Variants in LRRC4C observed in about 807,000 individuals in gnomAD.
LRRC4C encodes the protein leucine-rich repeat-containing protein 4C.
LRRC4C carries 5 observed loss-of-function variants against 33.6 expected under a neutral mutation model. The ratio of observed to expected loss-of-function variants is 0.15; its 90% confidence interval spans 0.08 to 0.31. LRRC4C has a LOEUF of 0.31. Among genes scored for constraint, LRRC4C ranks in the 10% least tolerant of loss-of-function variants. The pLI is 1.00. For synonymous variants in LRRC4C, 329 were observed against 302.0 expected (o/e 1.09, Z -0.93); for missense variants, 560 against 796.7 (o/e 0.70, Z 3.58).
At chr11:40,131,188 C>T (rs576394254) in intron 6 of LRRC4C, among the ~76,000 whole-genome samples, 4 of 152,250 alleles carry the variant, frequency 2.6e-5, no homozygotes, top group South Asian at 4.1e-4. Context: ...AATTGATAAA[C>T]TAATTTTATA....
chr11:41,004,458 C>T (rs1305714818), intron 1 of LRRC4C, among the ~76,000 whole-genome samples: 1 of 152,124 alleles, frequency 6.6e-6, no homozygotes, highest in Non-Finnish European at 1.5e-5. Context: ...GTTAAAATTT[C>T]TACAAAAATG....
intron 2 of LRRC4C, among the ~76,000 whole-genome samples, chr11:40,876,888 C>A (rs1156648126): frequency 8.2e-6 from 1 of 121,384 alleles, no homozygotes; most frequent in Admixed American, 1.0e-4. Context: ...GGCAACAGAG[C>A]GAGGCTCTTT....
At chr11:40,725,894 T>G (rs1947270621) in intron 2 of LRRC4C, among the ~76,000 whole-genome samples, 1 of 152,176 alleles carries the variant, frequency 6.6e-6, no homozygotes, top group South Asian at 2.1e-4. Flanking sequence ...CTGTTTGGCC[T>G]CCTGTTAATT....
At chr11:40,340,160 A>G (rs1043792542) in intron 3 of LRRC4C, among the ~76,000 whole-genome samples, 1 of 152,078 alleles carries the variant, frequency 6.6e-6, no homozygotes, top group Non-Finnish European at 1.5e-5. Context: ...GCACGTGGTT[A>G]TTTCTACTTC....
At chr11:40,374,386 A>C (rs1223211323) in intron 3 of LRRC4C, among the ~76,000 whole-genome samples, 1 of 152,206 alleles carries the variant, frequency 6.6e-6, no homozygotes, top group Non-Finnish European at 1.5e-5. Context: ...ACAGAGATGC[A>C]TGAAAAATAC....
chr11:40,973,263 T>G (rs1041303955), intron 1 of LRRC4C, among the ~76,000 whole-genome samples: 4 of 152,054 alleles, frequency 2.6e-5, no homozygotes, highest in Non-Finnish European at 5.9e-5. Flanking sequence ...GATTTGTGGT[T>G]GTCTACTAGA....
chr11:40,350,394 G>T (rs7940459), intron 3 of LRRC4C, among the ~76,000 whole-genome samples: 97,398 of 151,778 alleles, frequency 0.64, 31,881 homozygotes, highest in East Asian at 0.84. Flanking sequence ...ATGAGTTCAC[G>T]GCAGATGTAT....
At chr11:41,230,923 AC>A (rs397804360) in intron 1 of LRRC4C, among the ~76,000 whole-genome samples, 9 of 150,312 alleles carry the variant, frequency 6.0e-5, no homozygotes, top group East Asian at 2.0e-4. Flanking sequence ...AAAAAAAAAA[AC>A]CAAACAACCC....
At chr11:40,147,992 A>C (rs1030098727) in intron 5 of LRRC4C, among the ~76,000 whole-genome samples, 23 of 151,992 alleles carry the variant, frequency 1.5e-4, no homozygotes, top group African/African-American at 3.1e-4. Context: ...AGAACATGCA[A>C]TATTTGGTTT....
Position 40,519,566 on chromosome 11 carries a change from G to C in LRRC4C, c.-270+128576C>G, listed in dbSNP as rs557287289. 5.4e-4 allele frequency among the ~76,000 whole-genome samples: 82 copies of C among 152,176 alleles called. 1 individual carries two copies. The highest frequency in any genetic ancestry group is 1.0e-3 in the Non-Finnish European group (71 of 68,006). On this transcript the variant is annotated intron_variant, in intron 3 of 6. Transcript: ENST00000528697. ...CGAATTAGTACCTTGCTCTGAATTA[G>C]GCTTTGTCTTAACGGAATGTTGTGG... is the stretch of plus-strand genomic sequence containing the variant.
intron 2 of LRRC4C, among the ~76,000 whole-genome samples, chr11:40,714,164 G>A (rs983724110): frequency 6.6e-6 from 1 of 152,166 alleles, no homozygotes; most frequent in Non-Finnish European, 1.5e-5. Flanking sequence ...TGAAGCTACA[G>A]TCAAGCATCA....
chr11:40,721,561 T>A (rs1947014393), intron 2 of LRRC4C, among the ~76,000 whole-genome samples: 1 of 152,256 alleles, frequency 6.6e-6, no homozygotes, highest in South Asian at 2.1e-4. Flanking sequence ...CTCATTTTCT[T>A]ATTGTGGACA....
intron 2 of LRRC4C, among the ~76,000 whole-genome samples, chr11:40,803,465 A>G (rs1474931199): frequency 6.6e-6 from 1 of 152,160 alleles, no homozygotes; most frequent in Non-Finnish European, 1.5e-5. Flanking sequence ...TTCCATTACT[A>G]TGTCCCAGAA....
At chr11:40,647,578 A>G (rs1244577367) in intron 3 of LRRC4C, among the ~76,000 whole-genome samples, 1 of 152,168 alleles carries the variant, frequency 6.6e-6, no homozygotes, top group Non-Finnish European at 1.5e-5. Context: ...CATTCAGACA[A>G]GTACAACTTT....
chr11:40,266,748 A>T (rs978229488), intron 4 of LRRC4C, among the ~76,000 whole-genome samples: 6 of 152,212 alleles, frequency 3.9e-5, no homozygotes, highest in Non-Finnish European at 7.3e-5. Context: ...TTCAAAGGTA[A>T]GAAAACTGAT....
intron 2 of LRRC4C, among the ~76,000 whole-genome samples, chr11:40,766,387 A>G (rs1949463114): frequency 6.8e-6 from 1 of 147,816 alleles, no homozygotes; most frequent in Non-Finnish European, 1.5e-5. Flanking sequence ...AAAGAAGATA[A>G]CACGCAATAG....
chr11:41,252,231 A>G (rs1029914407), intron 1 of LRRC4C, among the ~76,000 whole-genome samples: 6 of 152,124 alleles, frequency 3.9e-5, no homozygotes, highest in African/African-American at 1.4e-4. Flanking sequence ...GAAAATGTCG[A>G]GGAGAGGTTG....
chr11:41,331,960 A>T (rs977072294), intron 1 of LRRC4C, among the ~76,000 whole-genome samples: 12 of 152,198 alleles, frequency 7.9e-5, no homozygotes, highest in South Asian at 2.1e-4. Flanking sequence ...CACTCCCATG[A>T]TAACCCCTTA....
At chr11:40,350,492 T>C (rs937365055) in intron 3 of LRRC4C, among the ~76,000 whole-genome samples, 1 of 152,110 alleles carries the variant, frequency 6.6e-6, no homozygotes, top group Non-Finnish European at 1.5e-5. Context: ...TTGGTTACTA[T>C]AGCTCTGTAG....
Sources: allele counts gnomAD v4.1 joint callset (sites outside exome capture counted in the v4.1 genomes callset), GRCh38; gene constraint gnomAD v4.1.1; transcripts MANE v1.5; gene names NCBI Gene and HGNC (gene_info 2026-07-23, HGNC 2026-07-21).